Variants in CPA6 observed in about 807,000 individuals in gnomAD.
The protein encoded by CPA6 is carboxypeptidase A6.
A neutral mutation model predicts 63.3 loss-of-function variants in CPA6; 58 were observed. That is an observed-to-expected ratio of 0.92 (90% CI 0.74 to 1.14). The LOEUF is 1.14. Ranked by LOEUF, CPA6 falls within the 50% of genes most tolerant of loss-of-function variation. CPA6 has a pLI of 0.00. For missense variants in CPA6, 565 were observed against 526.6 expected (o/e 1.07, Z -0.71); for synonymous variants, 185 against 179.0 (o/e 1.03, Z -0.27).
At chr8:67,529,515 C>A (rs1292602030) in intron 2 of CPA6, among the ~76,000 whole-genome samples, 1 of 152,174 alleles carries the variant, frequency 6.6e-6, no homozygotes, top group Non-Finnish European at 1.5e-5. Context: ...TATGTTCCAA[C>A]CCCACTCTTA....
intron 6 of CPA6, among the ~76,000 whole-genome samples, chr8:67,485,232 C>T (rs533228313): frequency 3.9e-5 from 6 of 152,278 alleles, no homozygotes; most frequent in Middle Eastern, 3.4e-3. Context: ...AGCCTCAAAC[C>T]TTGGAACCTA....
At chr8:67,518,509 CTTTTTTTTTT>C (rs71554610) in intron 2 of CPA6, among the ~76,000 whole-genome samples, 1 of 129,882 alleles carries the variant, frequency 7.7e-6, no homozygotes, top group Non-Finnish European at 1.6e-5. Flanking sequence ...CTTTTCTTTT[CTTTTTTTTTT>C]TTTTTGAGAC....
chr8:67,709,698 A>G (rs538465573), intron 1 of CPA6, among the ~76,000 whole-genome samples: 8 of 152,222 alleles, frequency 5.3e-5, no homozygotes, highest in African/African-American at 1.9e-4. Flanking sequence ...ATTCCAGGGA[A>G]ACAGGAATTG....
chr8:67,651,026 T>C (rs1480508135), intron 1 of CPA6, among the ~76,000 whole-genome samples: 1 of 152,166 alleles, frequency 6.6e-6, no homozygotes, highest in Non-Finnish European at 1.5e-5. Flanking sequence ...AGTCTAAAAT[T>C]AGCCACTGAG....
chr8:67,648,155 C>T (rs1815753813), intron 1 of CPA6, among the ~76,000 whole-genome samples: 1 of 150,812 alleles, frequency 6.6e-6, no homozygotes, highest in Non-Finnish European at 1.5e-5. Flanking sequence ...GAGTCATCAA[C>T]ATATAATTCA....
chr8:67,483,697 TG>T, intron 8 of CPA6, 70 bp downstream of exon 8: 1 of 1,226,654 alleles, frequency 8.2e-7, no homozygotes, highest in Non-Finnish European at 1.2e-6. Flanking sequence ...GAGAGTCCTC[TG>T]GACTCATATT....
intron 2 of CPA6, among the ~76,000 whole-genome samples, chr8:67,602,276 T>C (rs1010293006): frequency 2.6e-5 from 4 of 152,310 alleles, no homozygotes; most frequent in Admixed American, 2.6e-4. Flanking sequence ...CTTCTTGGAT[T>C]TGTGTAGAAT....
intron 1 of CPA6, among the ~76,000 whole-genome samples, chr8:67,653,815 G>C (rs1815910005): frequency 6.6e-6 from 1 of 152,082 alleles, no homozygotes; most frequent in East Asian, 1.9e-4. Flanking sequence ...ATCCTTTCTT[G>C]TGCCAGTTTT....
At chr8:67,509,229 T>G (rs1357903227) in intron 5 of CPA6, among the ~76,000 whole-genome samples, 1 of 152,152 alleles carries the variant, frequency 6.6e-6, no homozygotes, top group African/African-American at 2.4e-5. Context: ...CATAGCAGCT[T>G]CTTATACATT....
chr8:67,713,099 G>GTGTGTGTGTGTATATATATA (rs1328463977), intron 1 of CPA6, among the ~76,000 whole-genome samples: 12 of 55,028 alleles, frequency 2.2e-4, no homozygotes, highest in African/African-American at 8.9e-4. Flanking sequence ...GTGTGTGTGT[G>GTGTGTGTGTGTATATATATA]TATATATATA....
chr8:67,454,616 G>A (rs534358671), intron 8 of CPA6, among the ~76,000 whole-genome samples: 20 of 152,298 alleles, frequency 1.3e-4, no homozygotes, highest in African/African-American at 3.8e-4. Flanking sequence ...TAGTTTATGG[G>A]AACCAATATA....
intron 2 of CPA6, among the ~76,000 whole-genome samples, chr8:67,549,226 A>G (rs1812887773): frequency 6.6e-6 from 1 of 152,202 alleles, no homozygotes; most frequent in South Asian, 2.1e-4. Context: ...AAGGATTTAG[A>G]TAATTTTTTG....
At chr8:67,712,746 C>A (rs1340959792) in intron 1 of CPA6, among the ~76,000 whole-genome samples, 7 of 152,012 alleles carry the variant, frequency 4.6e-5, no homozygotes, top group Non-Finnish European at 1.0e-4. Context: ...CAGAAATAAA[C>A]CATCCCTAAG....
intron 10 of CPA6, among the ~76,000 whole-genome samples, chr8:67,427,508 A>T (rs1402790646): frequency 6.6e-6 from 1 of 152,110 alleles, no homozygotes; most frequent in Non-Finnish European, 1.5e-5. Flanking sequence ...GGAGTGAAAG[A>T]TGGGAGATGA....
intron 1 of CPA6, among the ~76,000 whole-genome samples, chr8:67,677,693 A>G (rs192553101): frequency 3.3e-4 from 50 of 152,284 alleles, no homozygotes; most frequent in Admixed American, 3.3e-3. Context: ...TCTGGGAGTT[A>G]TTATTCTTGC....
chr8:67,439,840 G>T (rs562955814), intron 8 of CPA6, among the ~76,000 whole-genome samples: 1 of 152,206 alleles, frequency 6.6e-6, no homozygotes, highest in East Asian at 1.9e-4. Context: ...TGCCCAGGCT[G>T]GTGTTGAATT....
chr8:67,542,779 T>C (rs1008266880), intron 2 of CPA6, among the ~76,000 whole-genome samples: 1 of 152,176 alleles, frequency 6.6e-6, no homozygotes, highest in African/African-American at 2.4e-5. Flanking sequence ...CAGTTCTTGA[T>C]CCCTATTCAA....
intron 1 of CPA6, among the ~76,000 whole-genome samples, chr8:67,627,076 G>A (rs6472323): frequency 0.63 from 95,452 of 151,902 alleles, 30,783 homozygotes; most frequent in African/African-American, 0.78. Context: ...TGAATTTATT[G>A]CTGTTTGATA....
intron 1 of CPA6, among the ~76,000 whole-genome samples, chr8:67,690,341 T>C (rs1816791206): frequency 6.6e-6 from 1 of 152,168 alleles, no homozygotes; most frequent in South Asian, 2.1e-4. Context: ...AAATAAATAA[T>C]TTAGAGTTAA....
Sources: gnomAD v4.1 joint callset for allele counts (sites outside exome capture counted in the v4.1 genomes callset) on GRCh38, gnomAD v4.1.1 for gene constraint, MANE v1.5 for transcripts, NCBI Gene and HGNC (gene_info 2026-07-23, HGNC 2026-07-21) for gene names.